Variants in SQOR observed in about 807,000 individuals in gnomAD.
The protein encoded by SQOR is sulfide:quinone oxidoreductase, mitochondrial.
SQOR carries 39 observed loss-of-function variants against 48.6 expected under a neutral mutation model. The observed-to-expected ratio is 0.80, with a 90% CI of 0.62 to 1.05. The LOEUF is 1.05. Ranked by LOEUF, SQOR falls within the 50% of genes least tolerant of loss-of-function variation. The pLI is 0.00. For synonymous variants in SQOR, 220 were observed against 206.2 expected, an observed-to-expected ratio of 1.07 and a Z score of -0.57; for missense variants, 561 against 559.9, an observed-to-expected ratio of 1.00 and a Z score of -0.02.
chr15:45,670,119 TC>T (rs1296546941), intron 4 of SQOR, 138 bp downstream of exon 4: 1 of 788,302 alleles, frequency 1.3e-6, no homozygotes, highest in African/African-American at 1.7e-5. Flanking sequence ...TTCTTGGCAG[TC>T]CTTTTACAGT....
chr15:45,665,907 T>A (rs545077257), intron 3 of SQOR, among the ~76,000 whole-genome samples: 3 of 152,288 alleles, frequency 2.0e-5, no homozygotes, highest in African/African-American at 7.2e-5. Flanking sequence ...GTTTACACTT[T>A]CCCACCTTAT....
intron 6 of SQOR, among the ~76,000 whole-genome samples, chr15:45,677,760 G>T (rs375085564): frequency 6.6e-6 from 1 of 152,314 alleles, no homozygotes; most frequent in African/African-American, 2.4e-5. Flanking sequence ...GAGTGCAGTG[G>T]TGCAATCTCA....
intron 1 of SQOR, among the ~76,000 whole-genome samples, chr15:45,651,446 G>T (rs1228829502): frequency 1.3e-5 from 2 of 152,224 alleles, no homozygotes; most frequent in African/African-American, 4.8e-5. Context: ...CCCATAGAGG[G>T]GCCCCCACAG....
At chr15:45,634,960 C>G (rs1894970849), upstream of SQOR, 1 of 152,550 alleles carries the variant, frequency 6.6e-6, no homozygotes, top group African/African-American at 2.4e-5. Context: ...CTTTTCGGGA[C>G]CTTTCCTGGG....
intron 5 of SQOR, among the ~76,000 whole-genome samples, chr15:45,675,600 A>T (rs997023070): frequency 6.6e-6 from 1 of 151,906 alleles, no homozygotes; most frequent in African/African-American, 2.4e-5. Flanking sequence ...GTCTCAAACC[A>T]TGTTGGCCAG....
chr15:45,677,041 A>T (rs1419483920), intron 6 of SQOR, among the ~76,000 whole-genome samples: 1 of 145,948 alleles, frequency 6.9e-6, no homozygotes, highest in African/African-American at 2.5e-5. Context: ...ACTCCGTCTA[A>T]AAAAAAAAAA....
chr15:45,662,032 A>G lies in SQOR; in HGVS notation c.312A>G (p.Ala104=). ...TGTCCTCATCTGGTCGTCCCACGGCAAGTGTGATTCCATCTGGTGTAGAAT... is the reference window on the plus strand; with the variant it reads ...TGTCCTCATCTGGTCGTCCCACGGCGAGTGTGATTCCATCTGGTGTAGAAT... ...KQLSSSGRPT[A]SVIPSGVEWI... The change falls in exon 3 of 10, where the codon GCA becomes GCG. Residue 104 remains alanine, a synonymous_variant. Coordinates refer to ENST00000260324, the MANE Select transcript of SQOR (RefSeq NM_021199.4). The G allele has an allele frequency of 6.2e-7, 1 of 1,614,226 alleles. No homozygotes were observed. The highest frequency in any genetic ancestry group is 8.5e-7 in the Non-Finnish European group (1 of 1,180,028).
intron 6 of SQOR, among the ~76,000 whole-genome samples, chr15:45,681,557 C>T (rs982937154): frequency 6.6e-6 from 1 of 152,164 alleles, no homozygotes; most frequent in African/African-American, 2.4e-5. Flanking sequence ...GGGCTATTGA[C>T]TATCTCAAAA....
chr15:45,682,619 G>GA lies in SQOR; in HGVS notation c.1007dup (p.Asp336GlufsTer22). 1 of 1,614,136 alleles carries GA rather than the reference G, an allele frequency of 6.2e-7. No homozygotes were observed. Among genetic ancestry groups the GA allele is most frequent in the Non-Finnish European group, 8.5e-7 (1 of 1,180,008 alleles). On this transcript the variant is annotated frameshift_variant, in exon 7 of 10. Transcript: ENST00000260324. LOFTEE classifies it high-confidence loss of function. ...GTACCCAAATGTGTTTGGGATTGGGGACTGCACCAACCTTCCTACGTCAAA... is the reference window on the plus strand; with the variant it reads ...GTACCCAAATGTGTTTGGGATTGGGGAACTGCACCAACCTTCCTACGTCAAA...
At chr15:45,638,843 C>T (rs1895057907) in intron 1 of SQOR, among the ~76,000 whole-genome samples, 2 of 151,972 alleles carry the variant, frequency 1.3e-5, no homozygotes, top group South Asian at 4.2e-4. Context: ...AGCACATGTG[C>T]ACAGAGAAAA....
chr15:45,646,176 G>A (rs1184908772), intron 1 of SQOR, among the ~76,000 whole-genome samples: 1 of 152,210 alleles, frequency 6.6e-6, no homozygotes, highest in Non-Finnish European at 1.5e-5. Flanking sequence ...GGCCCCTCTA[G>A]GAGACAGCAT....
At chr15:45,684,453 G>A (rs889336536) in intron 7 of SQOR, among the ~76,000 whole-genome samples, 2 of 152,050 alleles carry the variant, frequency 1.3e-5, no homozygotes, top group African/African-American at 4.8e-5. Context: ...CTTTCTTACG[G>A]TTAGATTCAG....
At chr15:45,689,415 T>TA (rs1211145251) in intron 9 of SQOR, 198 bp downstream of exon 9, 2 of 434,440 alleles carry the variant, frequency 4.6e-6, no homozygotes, top group Non-Finnish European at 8.0e-6. Flanking sequence ...TCTGCTACCT[T>TA]ACTTTTTTTT....
chr15:45,683,892 T>TA, intron 7 of SQOR, among the ~76,000 whole-genome samples: 1 of 149,530 alleles, frequency 6.7e-6, no homozygotes, highest in Non-Finnish European at 1.5e-5. Context: ...ATATATATAT[T>TA]TTTGTTTGTT....
In SQOR at chr15:45,676,188, G is replaced by C. The variant is rs774907381; in HGVS notation, c.742G>C (p.Glu248Gln). The C allele has an allele frequency of 6.2e-7, 1 of 1,614,132 alleles. No individual in the cohort carries two copies. Among genetic ancestry groups the C allele is most frequent in the East Asian group, 2.2e-5 (1 of 44,884 alleles). The change falls in exon 6 of 10, where the codon GAG becomes CAG. Residue 248 changes from glutamate to glutamine, a missense_variant. Physicochemically the swap from Glu to Gln is conservative, Grantham distance 29 (BLOSUM62 2). Coordinates refer to ENST00000260324, the MANE Select transcript of SQOR (RefSeq NM_021199.4). Reference protein sequence around the residue: ...GVKKYADALQEIIQERNLTVN... With the variant: ...GVKKYADALQQIIQERNLTVN... ...TAAGAAGTATGCAGATGCCCTGCAG[G>C]AGATCATCCAGGAGCGGAACCTCAC...
chr15:45,680,369 C>T (rs542198552), intron 6 of SQOR, among the ~76,000 whole-genome samples: 14 of 151,864 alleles, frequency 9.2e-5, no homozygotes, highest in Admixed American at 5.9e-4. Context: ...GTTGGGATTA[C>T]AGGTGTGAGC....
intron 1 of SQOR, among the ~76,000 whole-genome samples, chr15:45,654,005 CCAG>C (rs1263621412): frequency 6.6e-6 from 1 of 151,720 alleles, no homozygotes; most frequent in Non-Finnish European, 1.5e-5. Flanking sequence ...GCCTGTAATC[CCAG>C]CTACTCAGGA....
intron 4 of SQOR, among the ~76,000 whole-genome samples, chr15:45,673,342 G>A (rs914817506): frequency 1.3e-5 from 2 of 152,142 alleles, no homozygotes; most frequent in Non-Finnish European, 2.9e-5. Flanking sequence ...CCGATGGTGG[G>A]AAAAGTTGTA....
At chr15:45,683,225 C>T (rs925477365) in intron 7 of SQOR, among the ~76,000 whole-genome samples, 5 of 152,154 alleles carry the variant, frequency 3.3e-5, no homozygotes, top group African/African-American at 1.2e-4. Context: ...AATTCTGTTA[C>T]TTCTCATACT....
Sources: gnomAD v4.1 joint callset for allele counts (sites outside exome capture counted in the v4.1 genomes callset) on GRCh38, gnomAD v4.1.1 for gene constraint, MANE v1.5 for transcripts, NCBI Gene and HGNC (gene_info 2026-07-23, HGNC 2026-07-21) for gene names.